The following CFAP43 variants were observed in gnomAD, a reference collection of about 807,000 sequenced individuals.
CFAP43 encodes the protein cilia and flagella associated protein 43, also known as cilia- and flagella-associated protein 43.
In CFAP43, 155 loss-of-function variants were observed where a neutral mutation model predicts 218.9. That is an observed-to-expected ratio of 0.71 (90% CI 0.62 to 0.81). The LOEUF (loss-of-function observed/expected upper bound fraction) is 0.81, where lower values mean the gene tolerates loss of function less well. Ranked by LOEUF, CFAP43 falls within the 30% of genes least tolerant of loss-of-function variation. CFAP43 has a pLI of 0.00. For missense variants in CFAP43, 1,778 were observed against 1,954.3 expected (o/e 0.91, Z 1.70); for synonymous variants, 645 against 681.3 (o/e 0.95, Z 0.83).
In CFAP43 at chr10:104,166,641, C is replaced by T; in HGVS notation, c.2886G>A (p.Glu962=). The change falls in exon 23 of 38, where the codon GAG becomes GAA. Residue 962 remains glutamate (E), a synonymous_variant. Coordinates refer to ENST00000357060, the MANE Select transcript of CFAP43 (RefSeq NM_025145.7). Reference sequence around the variant, plus strand: ...ATTTTACTGTCTTGTCTTCCTCTTCCTCTTCTTCATCATCCTCTTCATGAC... The same window carrying T: ...ATTTTACTGTCTTGTCTTCCTCTTCTTCTTCTTCATCATCCTCTTCATGAC... ...KQRHEEDDEE[E]EEEDKTVKYS... is the part of the protein sequence containing the mutation. 6.2e-7 allele frequency: 1 copy of T among 1,614,158 alleles called. No homozygotes were observed. Among genetic ancestry groups the T allele is most frequent in the Non-Finnish European group, 8.5e-7 (1 of 1,180,010 alleles).
chr10:104,182,869 G>A (rs966211814), intron 16 of CFAP43, among the ~76,000 whole-genome samples: 24 of 152,062 alleles, frequency 1.6e-4, no homozygotes, highest in Non-Finnish European at 3.5e-4. Context: ...ACACCACCAT[G>A]CATGGCTAAA....
chr10:104,201,783 T>C (rs1004161545), intron 8 of CFAP43, among the ~76,000 whole-genome samples: 1 of 152,164 alleles, frequency 6.6e-6, no homozygotes, highest in African/African-American at 2.4e-5. Context: ...TGTTGCATCA[T>C]AGACCTTCCC....
chr10:104,148,445 C>T (rs1020572477), intron 28 of CFAP43, among the ~76,000 whole-genome samples: 1 of 152,130 alleles, frequency 6.6e-6, no homozygotes, highest in African/African-American at 2.4e-5. Flanking sequence ...TGGATATTTG[C>T]CCCATCCAAA....
At chr10:104,135,745 C>T (rs2087410693) in intron 34 of CFAP43, among the ~76,000 whole-genome samples, 1 of 151,842 alleles carries the variant, frequency 6.6e-6, no homozygotes, top group South Asian at 2.1e-4. Context: ...AAAGTCATCC[C>T]ATGTTCTTGG....
In CFAP43 at chr10:104,207,899, A is replaced by G. The variant is rs1325079262; in HGVS notation, c.736-75T>C. ...AGCCTGAGAAATACTCACCAGAACA[A>G]CTGACAAAAAGGAACCATACTTAAC... On this transcript the variant is annotated intron_variant, in intron 5 of 37. Coordinates refer to ENST00000357060, the MANE Select transcript of CFAP43 (RefSeq NM_025145.7). 4 of 1,464,166 alleles carry G rather than the reference A, an allele frequency of 2.7e-6. No homozygotes were observed. The African/African-American group carries it at 5.7e-5, about 21-fold the overall frequency. 90.7% of individuals were successfully genotyped at this position (1,464,166 alleles called of 1,614,324 possible).
intron 27 of CFAP43, among the ~76,000 whole-genome samples, chr10:104,159,836 C>T (rs1400094761): frequency 6.6e-6 from 1 of 152,154 alleles, no homozygotes; most frequent in Non-Finnish European, 1.5e-5. Context: ...AGTGCAAAAT[C>T]TCAGCGTCCT....
intron 7 of CFAP43, 69 bp from the exon 8 acceptor site, chr10:104,203,872 C>A (rs904104937): frequency 1.5e-6 from 2 of 1,367,404 alleles, no homozygotes; most frequent in Non-Finnish European, 1.9e-6. Context: ...CCTCATCAGA[C>A]AAGCTAAGGC....
In CFAP43 at chr10:104,182,525, A is replaced by C. The variant is rs760794190; in HGVS notation, c.2142-12T>G. ...GTCCTCCAAATCGCCTATATTAATAAAAAAGAAAACACAGAGGCTATAAAA... is the reference window on the plus strand; with the variant it reads ...GTCCTCCAAATCGCCTATATTAATACAAAAGAAAACACAGAGGCTATAAAA... On this transcript the variant is annotated splice_polypyrimidine_tract_variant and intron_variant, in intron 16 of 37. Coordinates refer to ENST00000357060, the MANE Select transcript of CFAP43 (RefSeq NM_025145.7). The C allele has an allele frequency of 6.4e-7, 1 of 1,564,146 alleles. No individual in the cohort carries two copies. Among genetic ancestry groups the C allele is most frequent in the South Asian group, 1.2e-5 (1 of 82,332 alleles).
intron 37 of CFAP43, among the ~76,000 whole-genome samples, chr10:104,130,635 A>G (rs1003069979): frequency 2.0e-5 from 3 of 152,186 alleles, no homozygotes; most frequent in Middle Eastern, 3.2e-3. Context: ...AGAAAACCAA[A>G]TACCACATGT....
At chr10:104,186,172 G>A in intron 14 of CFAP43, 49 bp from the exon 15 acceptor site, 1 of 1,410,078 alleles carries the variant, frequency 7.1e-7, no homozygotes. Flanking sequence ...CAGGTAAACA[G>A]CACCTTTGGG....
chr10:104,188,293 G>A lies in CFAP43; in HGVS notation c.1664C>T (p.Thr555Ile). 6.2e-7 allele frequency: 1 copy of A among 1,614,124 alleles called. No homozygotes were observed. Among genetic ancestry groups the A allele is most frequent in the Non-Finnish European group, 8.5e-7 (1 of 1,179,998 alleles). Reference sequence around the variant, plus strand: ...ACCTTGTGGCAGTAATGTAGGCAGTGTGAACATCTCCAACCTGCTTCTCCC... The same window carrying A: ...ACCTTGTGGCAGTAATGTAGGCAGTATGAACATCTCCAACCTGCTTCTCCC... ...EAGRSRLEMF[T>I]LPTLLPQVST... is the part of the protein sequence containing the mutation. Residue 555 changes from threonine (T) to isoleucine (I), a missense_variant, in exon 13 of 38, where the codon ACA becomes ATA. Physicochemically the swap from Thr to Ile is moderately conservative, Grantham distance 89 (BLOSUM62 -1). Transcript: ENST00000357060.
At chr10:104,210,171 T>A (rs2090810770) in intron 5 of CFAP43, among the ~76,000 whole-genome samples, 1 of 152,266 alleles carries the variant, frequency 6.6e-6, no homozygotes, top group African/African-American at 2.4e-5. Context: ...TGAATATTTT[T>A]GATCTGCAGT....
At chr10:104,166,392 C>A in intron 23 of CFAP43, 96 bp downstream of exon 23, 5 of 880,556 alleles carry the variant, frequency 5.7e-6, no homozygotes, top group Non-Finnish European at 6.9e-6. Context: ...ATTTTTAAAT[C>A]ATCATTTGAT....
At chr10:104,212,337 C>G (rs1040383675) in intron 4 of CFAP43, among the ~76,000 whole-genome samples, 180 bp from the exon 5 acceptor site, 2 of 152,246 alleles carry the variant, frequency 1.3e-5, no homozygotes, top group Admixed American at 6.5e-5. Flanking sequence ...ACAAGTTACA[C>G]AGTTTTAAAT....
At chr10:104,185,761 C>T (rs908343421) in intron 15 of CFAP43, among the ~76,000 whole-genome samples, 2 of 152,266 alleles carry the variant, frequency 1.3e-5, no homozygotes, top group African/African-American at 2.4e-5. Context: ...TCAAATGGTT[C>T]AAAATTCAAA....
At chr10:104,164,334 C>T (rs1254276368) in intron 23 of CFAP43, 34 bp from the exon 24 acceptor site, 2 of 1,386,124 alleles carry the variant, frequency 1.4e-6, no homozygotes, top group African/African-American at 1.4e-5. Flanking sequence ...AAACACATCA[C>T]ATATTATATC....
rs1425620989 is a variant in CFAP43, at chr10:104,230,853, AAGAT to A, written c.66-14_66-11del. ...GAATCCTTGCACCCATCTTTGGGAA[AAGAT>A]ATGTCAACATCAATATAATACATTT... is the stretch of plus-strand genomic sequence containing the variant. On this transcript the variant is annotated splice_polypyrimidine_tract_variant and intron_variant, in intron 1 of 37. Transcript: ENST00000357060. 1.9e-6 allele frequency: 3 copies of A among 1,598,216 alleles called. No individual in the cohort carries two copies. The South Asian group carries it at 3.4e-5, about 18-fold the overall frequency.
Position 104,168,816 on chromosome 10 carries a change from G to C in CFAP43, c.2619C>G (p.Ala873=). ...TGATAAGTTCAGCCAAATAGCTCTT[G>C]GCTAAGTTATGCATCTCTACATCCT... is the stretch of plus-strand genomic sequence containing the variant. ...MIKDVEMHNL[A]KSYLAELIKE... Residue 873 remains alanine, a synonymous_variant, in exon 21 of 38, where the codon GCC becomes GCG. Coordinates refer to ENST00000357060, the MANE Select transcript of CFAP43 (RefSeq NM_025145.7). 6.2e-7 allele frequency: 1 copy of C among 1,613,820 alleles called. No homozygotes were observed. The highest frequency in any genetic ancestry group is 1.1e-5 in the South Asian group (1 of 91,084).
chr10:104,133,484 TCA>T, intron 35 of CFAP43, 134 bp downstream of exon 35: 5 of 924,748 alleles, frequency 5.4e-6, no homozygotes, highest in Non-Finnish European at 7.7e-6. Context: ...GAAAAATAAC[TCA>T]CAGATATATT....
Sources: gnomAD v4.1 joint callset for allele counts (sites outside exome capture counted in the v4.1 genomes callset) on GRCh38, gnomAD v4.1.1 for gene constraint, MANE v1.5 for transcripts, NCBI Gene and HGNC (gene_info 2026-07-23, HGNC 2026-07-21) for gene names.